The following TEP1 variants were observed in gnomAD, a reference collection of about 807,000 sequenced individuals.
The protein encoded by TEP1 is telomerase protein component 1.
A neutral mutation model predicts 306.3 loss-of-function variants in TEP1; 241 were observed. The ratio of observed to expected loss-of-function variants is 0.79; its 90% CI spans 0.71 to 0.88. The LOEUF (loss-of-function observed/expected upper bound fraction) is 0.88, where lower values mean the gene tolerates loss of function less well. Ranked by LOEUF, TEP1 falls within the 40% of genes least tolerant of loss-of-function variation. The pLI, the probability that TEP1 is intolerant of heterozygous loss-of-function variation, is 0.00. For missense variants in TEP1, 3,051 were observed against 3,276.1 expected (o/e 0.93, Z 1.68); for synonymous variants, 1,289 against 1,305.5 (o/e 0.99, Z 0.27).
intron 17 of TEP1, among the ~76,000 whole-genome samples, chr14:20,388,457 AT>A (rs201959097): frequency 0.039 from 5,921 of 152,184 alleles, 153 homozygotes; most frequent in South Asian, 0.088. Flanking sequence ...AGGGAAATGG[AT>A]GGTATCCAGA....
chr14:20,381,650 G>A lies in TEP1; in HGVS notation c.4461C>T (p.Ala1487=), dbSNP rs1241317415. The change falls in exon 31 of 55, where the codon GCC becomes GCT. Residue 1487 remains alanine (A), a synonymous_variant. Transcript: ENST00000262715. The surrounding 1 kb of genome is among the most constrained non-coding windows in gnomAD (Gnocchi z 4.0). ...GGGGCCCATCAGGGAGGCACAGCCG[G>A]GCACCAGGGCGCTCCAGAGGGCCCT... is the stretch of plus-strand genomic sequence containing the variant. ...LGEGPLERPG[A]RLCLPDGPLR... is the part of the protein sequence containing the mutation. 2.5e-6 allele frequency: 4 copies of A among 1,612,938 alleles called. No individual in the cohort carries two copies. The highest frequency in any genetic ancestry group is 1.7e-5 in the Admixed American group (1 of 59,686).
At position 20,377,615 on chromosome 14, in the gene TEP1, A is replaced by G; in HGVS notation, c.5860T>C (p.Tyr1954His). 3 of 1,614,156 alleles carry G rather than the reference A, an allele frequency of 1.9e-6. No homozygotes were observed. The highest frequency in any genetic ancestry group is 1.1e-5 in the South Asian group (1 of 91,084). The change falls in exon 40 of 55, where the codon TAC (tyrosine) becomes CAC (histidine). Residue 1954 changes from tyrosine (Y) to histidine (H), a missense_variant. By Grantham distance (83) the Tyr-to-His change is moderately conservative. This residue lies in a region of TEP1 where 1,540 missense variants were observed against 1,705.9 expected (regional missense o/e 0.90). Transcript: ENST00000262715. ...VGYRADGIRI[Y>H]KISSGSQGAQ... ...ATTTCAGTACCTGAAGAGATTTTGT[A>G]GATCCTAATGCCATCCGCTCGATAT...
In TEP1 at chr14:20,404,663, C is replaced by T; in HGVS notation, c.980G>A (p.Cys327Tyr). The T allele has an allele frequency of 6.2e-7, 1 of 1,614,158 alleles. No individual in the cohort carries two copies. Among genetic ancestry groups the T allele is most frequent in the South Asian group, 1.1e-5 (1 of 91,078 alleles). The change falls in exon 5 of 55, where the codon TGT (cysteine) becomes TAT (tyrosine). Residue 327 changes from cysteine to tyrosine, a missense_variant. Cys to Tyr is a radical substitution (Grantham distance 194, BLOSUM62 -2). Transcript: ENST00000262715. ...GTCAGAAGGCAGCTGGACAATGGCA[C>T]AGAAATATCGTCGCAGGTGGGGGCG... is the stretch of plus-strand genomic sequence containing the variant. The part of the protein sequence containing the change: ...ACRPHLRRYF[C>Y]AIVQLPSDWI...
Position 20,383,279 on chromosome 14 carries a change from G to T in TEP1, c.3942C>A (p.His1314Gln), listed in dbSNP as rs142420008. Residue 1314 changes from histidine to glutamine, a missense_variant, in exon 27 of 55, where the codon CAC (histidine) becomes CAA (glutamine). By Grantham distance (24) the His-to-Gln change is conservative (BLOSUM62 0). Around this residue, in one of 3 missense-constraint regions of TEP1, gnomAD observed 1,540 missense variants for 1,705.9 expected, o/e 0.90. Coordinates refer to ENST00000262715, the MANE Select transcript of TEP1 (RefSeq NM_007110.5). ...CCTCCAGAGGCCCCAAGGCCAGCAC[G>T]TGGGCACCCTGGCTCTGCTCAAGGG... ...GETLEQSQGA[H>Q]VLALGPLEAS... 1.2e-6 allele frequency: 2 copies of T among 1,613,552 alleles called. No homozygotes were observed. The highest frequency in any genetic ancestry group is 8.5e-7 in the Non-Finnish European group (1 of 1,179,818).
At chr14:20,371,455 C>A in intron 50 of TEP1, 34 bp downstream of exon 50, 1 of 1,607,568 alleles carries the variant, frequency 6.2e-7, no homozygotes, top group Non-Finnish European at 8.5e-7. Flanking sequence ...TCCTTTTTCC[C>A]CAGCTCAGGA....
chr14:20,401,783 C>G (rs1350463276), intron 7 of TEP1, among the ~76,000 whole-genome samples: 1 of 152,186 alleles, frequency 6.6e-6, no homozygotes, highest in Non-Finnish European at 1.5e-5. Flanking sequence ...GATGGCAACT[C>G]TTTGGGGTCA....
In TEP1 at chr14:20,406,316, C is replaced by T. The variant is rs1464529672; in HGVS notation, c.652G>A (p.Val218Met). Reference sequence around the variant, plus strand: ...GTGAGCTTCACGGCCAGATCCTCCACCTCCTCCTCCTCTCCCAAGCTCAGA... The same window carrying T: ...GTGAGCTTCACGGCCAGATCCTCCATCTCCTCCTCCTCTCCCAAGCTCAGA... ...YSLSLGEEEE[V>M]EDLAVKLTSG... Residue 218 changes from valine (V) to methionine (M), a missense_variant, in exon 3 of 55, where the codon GTG becomes ATG. Coordinates refer to ENST00000262715, the MANE Select transcript of TEP1 (RefSeq NM_007110.5). 6.2e-7 allele frequency: 1 copy of T among 1,613,570 alleles called. No homozygotes were observed. The highest frequency in any genetic ancestry group is 1.3e-5 in the African/African-American group (1 of 74,988).
At position 20,408,013 on chromosome 14, in the gene TEP1, G is replaced by A. The variant is rs138848717; in HGVS notation, c.427C>T (p.Arg143Cys). ...AGCAGGCAATTGCTGTTGTTCACAC[G>A]GTACAAATCAGCTTGCGTCATGTGA... Reference protein sequence around the residue: ...ISHMTQADLYRVNNSNCLLSE... With the variant: ...ISHMTQADLYCVNNSNCLLSE... The change falls in exon 2 of 55, where the codon CGT becomes TGT. Residue 143 changes from arginine to cysteine, a missense_variant. By Grantham distance (180) the Arg-to-Cys change is radical. Around this residue, in one of 3 missense-constraint regions of TEP1, gnomAD observed 1,507 missense variants for 1,550.5 expected, o/e 0.97. Coordinates refer to ENST00000262715, the MANE Select transcript of TEP1 (RefSeq NM_007110.5). 5.3e-5 allele frequency: 85 copies of A among 1,614,078 alleles called. 1 individual carries two copies. Among genetic ancestry groups the A allele is most frequent in the Non-Finnish European group, 6.6e-5 (78 of 1,180,044 alleles).
Position 20,395,922 on chromosome 14 carries a change from G to C in TEP1, c.1687C>G (p.Pro563Ala). The C allele has an allele frequency of 6.2e-7, 1 of 1,614,098 alleles. No homozygotes were observed. The highest frequency in any genetic ancestry group is 8.5e-7 in the Non-Finnish European group (1 of 1,179,992). Reference protein sequence around the residue: ...AKSVIHSRQFPFRFLNAHDAI... With the variant: ...AKSVIHSRQFAFRFLNAHDAI... ...TCATGGGCGTTAAGAAATCTGAATG[G>C]AAACTGCCGACTGTGGATCACCGAC... The change falls in exon 11 of 55, where the codon CCA (proline) becomes GCA (alanine). Residue 563 changes from proline to alanine, a missense_variant. By Grantham distance (27) the Pro-to-Ala change is conservative (BLOSUM62 -1). This residue lies in a region of TEP1 where 1,507 missense variants were observed against 1,550.5 expected (regional missense o/e 0.97). Coordinates refer to ENST00000262715, the MANE Select transcript of TEP1 (RefSeq NM_007110.5).
In TEP1 at chr14:20,369,391, T is replaced by C. The variant is rs1473344927; in HGVS notation, c.7609A>G (p.Met2537Val). ...AGATGTGGTGTTGGCTCACTATCCA[T>C]GCTGGCATCACTATCCATGCTGGCA... is the stretch of plus-strand genomic sequence containing the variant. Reference protein sequence around the residue: ...SDASMDSDASMDSEPTPHLKT... With the variant: ...SDASMDSDASVDSEPTPHLKT... Residue 2537 changes from methionine (M) to valine (V), a missense_variant, in exon 53 of 55, where the codon ATG becomes GTG. Transcript: ENST00000262715. 1 of 1,613,920 alleles carries C rather than the reference T, an allele frequency of 6.2e-7. No individual in the cohort carries two copies. Among genetic ancestry groups the C allele is most frequent in the Admixed American group, 1.7e-5 (1 of 59,986 alleles).
chr14:20,373,556 A>G lies in TEP1; in HGVS notation c.6632T>C (p.Val2211Ala), dbSNP rs201715559. 1 of 1,614,186 alleles carries G rather than the reference A, an allele frequency of 6.2e-7. No homozygotes were observed. Among genetic ancestry groups the G allele is most frequent in the Admixed American group, 1.7e-5 (1 of 60,014 alleles). The change falls in exon 46 of 55, where the codon GTG becomes GCG. Residue 2211 changes from valine (V) to alanine (A), a missense_variant. Around this residue, in one of 3 missense-constraint regions of TEP1, gnomAD observed 1,540 missense variants for 1,705.9 expected, o/e 0.90. Coordinates refer to ENST00000262715, the MANE Select transcript of TEP1 (RefSeq NM_007110.5). The stretch of plus-strand genomic sequence containing the variant: ...GGCCCCATCTAGCCCGACGGTTACC[A>G]CCAGAAGCTCTGACCCAGGCTGTCC... ...AAGQPGSELLVVTVGLDGATR... is the reference protein window; with the variant it reads ...AAGQPGSELLAVTVGLDGATR...
intron 9 of TEP1, among the ~76,000 whole-genome samples, chr14:20,397,602 C>T (rs1878309927): frequency 1.3e-5 from 2 of 152,138 alleles, no homozygotes; most frequent in Non-Finnish European, 2.9e-5. Context: ...AAGCTTCTCA[C>T]CCAATTTCTT....
Position 20,369,670 on chromosome 14 carries a change from T to C in TEP1, c.7423+4A>G. 2 of 1,613,886 alleles carry C rather than the reference T, an allele frequency of 1.2e-6. No individual in the cohort carries two copies. The highest frequency in any genetic ancestry group is 4.5e-5 in the East Asian group (2 of 44,872). On this transcript the variant is annotated splice_donor_region_variant and intron_variant, in intron 52 of 54. Transcript: ENST00000262715. Reference sequence around the variant, plus strand: ...GCTCCTCAGGTCCTCCTGTTACCACTCACCAGATTCAGGTTTGGCTTGAGT... The same window carrying C: ...GCTCCTCAGGTCCTCCTGTTACCACCCACCAGATTCAGGTTTGGCTTGAGT...
Position 20,385,107 on chromosome 14 carries a change from G to C in TEP1, c.2985C>G (p.Ala995=), listed in dbSNP as rs1188899532. 6.2e-7 allele frequency: 1 copy of C among 1,613,896 alleles called. No homozygotes were observed. The highest frequency in any genetic ancestry group is 1.1e-5 in the South Asian group (1 of 91,060). The stretch of plus-strand genomic sequence containing the variant: ...CAGAGCGCCCTGAAGGGTACTGCTG[G>C]GCCTGCGGGGAGGACAGAGACAGTG... The part of the protein sequence containing the change: ...NLPDHPHFHW[A]QQYPSGRSVT... The change falls in exon 21 of 55, where the codon GCC becomes GCG. Residue 995 remains alanine (A), a splice_region_variant and synonymous_variant. Coordinates refer to ENST00000262715, the MANE Select transcript of TEP1 (RefSeq NM_007110.5).
chr14:20,393,324 T>C (rs1352723004), intron 12 of TEP1, among the ~76,000 whole-genome samples: 1 of 152,206 alleles, frequency 6.6e-6, no homozygotes, highest in African/African-American at 2.4e-5. Context: ...TGTGTGCATA[T>C]TTAAAGTTTT....
Position 20,368,346 on chromosome 14 carries a change from T to G in TEP1, c.*91A>C. The G allele has an allele frequency of 1.4e-6, 2 of 1,398,892 alleles. No homozygotes were observed. The highest frequency in any genetic ancestry group is 5.1e-5 in the East Asian group (2 of 39,488). The allele number at this position is 1,398,892 out of a possible 1,614,324, so 86.7% of individuals were successfully genotyped here. A position where few individuals can be genotyped will look rare whatever the true frequency, so the allele number is the denominator to read the frequency against. On this transcript the variant is annotated 3_prime_UTR_variant, in exon 55 of 55. Transcript: ENST00000262715. ...CTTCATTTTTATAATTATCAAGAAA[T>G]TATTAATTTTATAATTATTAAAAGC...
intron 5 of TEP1, 139 bp downstream of exon 5, chr14:20,404,472 A>G (rs1879010690): frequency 2.8e-6 from 3 of 1,065,076 alleles, no homozygotes; most frequent in African/African-American, 1.6e-5. Flanking sequence ...TAGTGGAGGG[A>G]GAAGCTGTCC....
At chr14:20,406,011 C>CA (rs765373019) in intron 3 of TEP1, among the ~76,000 whole-genome samples, 730 of 34,560 alleles carry the variant, frequency 0.021, 2 homozygotes, top group Middle Eastern at 0.068. Flanking sequence ...GACTCCATCT[C>CA]AAAAAAAAAA....
In TEP1 at chr14:20,387,923, G is replaced by A. The variant is rs142826334; in HGVS notation, c.2666C>T (p.Ala889Val). The A allele has an allele frequency of 4.4e-5, 70 of 1,608,716 alleles. No individual in the cohort carries two copies. In the Middle Eastern group the frequency reaches 5.0e-4, roughly 11 times the overall value. Reference protein sequence around the residue: ...PLEEDTPSPLAPVSQQGWRSI... With the variant: ...PLEEDTPSPLVPVSQQGWRSI... Reference sequence around the variant, plus strand: ...GACTGACCCTTGCTGGGAAACAGGAGCCAAGGGGCTTGGAGTGTCCTCTTC... The same window carrying A: ...GACTGACCCTTGCTGGGAAACAGGAACCAAGGGGCTTGGAGTGTCCTCTTC... The change falls in exon 18 of 55, where the codon GCT becomes GTT. Residue 889 changes from alanine (A) to valine (V), a missense_variant. Ala to Val is a moderately conservative substitution (Grantham distance 64, BLOSUM62 0). Transcript: ENST00000262715.
Sources: allele counts gnomAD v4.1 joint callset (sites outside exome capture counted in the v4.1 genomes callset), GRCh38; gene constraint gnomAD v4.1.1; regional missense constraint gnomAD v4.1.1; non-coding constraint Gnocchi (gnomAD v3.1); transcripts MANE v1.5; gene names NCBI Gene and HGNC (gene_info 2026-07-23, HGNC 2026-07-21).